Variants in IL19 observed in about 807,000 individuals in gnomAD.
IL19 encodes interleukin-19.
In IL19, 15 loss-of-function variants were observed where a neutral mutation model predicts 19.5. The ratio of observed to expected loss-of-function variants is 0.77; its 90% CI spans 0.52 to 1.19. IL19 has a LOEUF of 1.19. Ranked by LOEUF, IL19 falls within the 50% of genes most tolerant of loss-of-function variation. The pLI is 0.00. For synonymous variants in IL19, 78 were observed against 78.3 expected, an observed-to-expected ratio of 1.00 and a Z score of 0.02; for missense variants, 199 against 213.1, an observed-to-expected ratio of 0.93 and a Z score of 0.41.
intron 6 of IL19, among the ~76,000 whole-genome samples, chr1:206,842,223 C>T (rs987512521): frequency 1.3e-5 from 2 of 151,662 alleles, no homozygotes; most frequent in African/African-American, 4.9e-5. Flanking sequence ...GCGGAACTGG[C>T]CAGTAAGGCA....
At chr1:206,771,294 G>A in intron 1 of IL19, 1 of 1,447,734 alleles carries the variant, frequency 6.9e-7, no homozygotes, top group Non-Finnish European at 9.7e-7. Context: ...CAATCAGGAA[G>A]CAGAGTCTCC....
chr1:206,798,843 C>T lies in IL19; in HGVS notation c.-148-18C>T, dbSNP rs2102459347. ...TGTACCTTTTTGTAATGATGACTCT[C>T]TATGATTTTCTCCATAGAGCGGTGC... On this transcript the variant is annotated intron_variant, in intron 1 of 6. Coordinates refer to ENST00000659997, the MANE Select transcript of IL19 (RefSeq NM_153758.5). The T allele has an allele frequency of 7.4e-7, 1 of 1,353,898 alleles. No homozygotes were observed. The highest frequency in any genetic ancestry group is 1.4e-5 in the African/African-American group (1 of 69,254). 83.9% of individuals were successfully genotyped at this position (1,353,898 alleles called of 1,614,324 possible).
intron 2 of IL19, among the ~76,000 whole-genome samples, chr1:206,799,691 A>T (rs11119582): frequency 0.4 from 61,312 of 152,036 alleles, 12,848 homozygotes; most frequent in East Asian, 0.68. Context: ...GACTAACAGA[A>T]CAGCTTAGGT....
chr1:206,826,538 TGC>T (rs1359603149), intron 2 of IL19, among the ~76,000 whole-genome samples: 1 of 152,232 alleles, frequency 6.6e-6, no homozygotes, highest in African/African-American at 2.4e-5. Context: ...GCTCTCACTC[TGC>T]CACCTGCTTT....
chr1:206,835,760 C>T (rs2102486837), intron 2 of IL19, among the ~76,000 whole-genome samples: 1 of 152,348 alleles, frequency 6.6e-6, no homozygotes, highest in South Asian at 2.1e-4. Context: ...AGGCTAAGCT[C>T]TATTTATAAG....
intron 2 of IL19, among the ~76,000 whole-genome samples, chr1:206,810,470 C>T (rs984088575): frequency 2.0e-5 from 3 of 152,180 alleles, no homozygotes; most frequent in African/African-American, 7.2e-5. Context: ...CATCCATCCC[C>T]CAGAATGCCT....
rs749041176 is a variant in IL19, at chr1:206,771,350, T to C, written c.-149+272T>C. 26 of 1,612,914 alleles carry C rather than the reference T, an allele frequency of 1.6e-5. No homozygotes were observed. In the Admixed American group the frequency reaches 2.2e-4, roughly 13 times the overall value. On this transcript the variant is annotated intron_variant, in intron 1 of 6. Transcript: ENST00000659997. ...CACTCCCCCAGCACCCCGCCCCTGC[T>C]CTCACCTTAAAGTCCTCCAGCAAGG... is the stretch of plus-strand genomic sequence containing the variant.
At chr1:206,811,303 G>C (rs1279981657) in intron 2 of IL19, among the ~76,000 whole-genome samples, 1 of 152,030 alleles carries the variant, frequency 6.6e-6, no homozygotes, top group Non-Finnish European at 1.5e-5. Context: ...AATTAGCCAG[G>C]TGTGGTGGCA....
At chr1:206,792,487 T>A (rs1313959555) in intron 1 of IL19, among the ~76,000 whole-genome samples, 1 of 152,142 alleles carries the variant, frequency 6.6e-6, no homozygotes, top group East Asian at 1.9e-4. Context: ...GATGGAGTCT[T>A]GCTCTGTCGC....
chr1:206,840,152 C>T (rs146663503), intron 5 of IL19, 150 bp downstream of exon 5: 2 of 873,316 alleles, frequency 2.3e-6, no homozygotes, highest in Non-Finnish European at 3.8e-6. Flanking sequence ...TGGAGAACCT[C>T]TCCCAGTGGC....
chr1:206,785,605 G>A (rs936199588), intron 1 of IL19, among the ~76,000 whole-genome samples: 4 of 152,218 alleles, frequency 2.6e-5, no homozygotes, highest in Admixed American at 6.5e-5. Flanking sequence ...CCCCTCAGAG[G>A]GGAAAGTGCA....
At chr1:206,828,637 G>A (rs1165792182) in intron 2 of IL19, among the ~76,000 whole-genome samples, 1 of 152,134 alleles carries the variant, frequency 6.6e-6, no homozygotes, top group Non-Finnish European at 1.5e-5. Flanking sequence ...GGTTCTCCCA[G>A]AGGCACAGTA....
chr1:206,818,655 G>A (rs903558045), intron 2 of IL19, among the ~76,000 whole-genome samples: 16 of 152,058 alleles, frequency 1.1e-4, no homozygotes, highest in African/African-American at 3.6e-4. Flanking sequence ...TGGATGTCTG[G>A]ATATGCCAAA....
chr1:206,802,903 A>AGG (rs1161173726), intron 2 of IL19, among the ~76,000 whole-genome samples: 1 of 152,208 alleles, frequency 6.6e-6, no homozygotes, highest in Non-Finnish European at 1.5e-5. Context: ...CAGGAAAGCA[A>AGG]GGGGAATGTC....
At chr1:206,825,277 A>G (rs1432860536) in intron 2 of IL19, among the ~76,000 whole-genome samples, 5 of 152,236 alleles carry the variant, frequency 3.3e-5, no homozygotes, top group African/African-American at 1.2e-4. Context: ...CTACAAGAAA[A>G]GCTTTAGTGA....
rs1043567297 is a variant in IL19, at chr1:206,817,497, G to A, written c.-3+18491G>A. Among the ~76,000 whole-genome samples the A allele has an allele frequency of 3.3e-5, 5 of 152,158 alleles. No homozygotes were observed. The South Asian group carries it at 8.3e-4, about 25-fold the overall frequency. ...ACTTTTGTGCAGTAACACTAATAAT[G>A]GTCAAAAGAAAGCTGGCTATCTACA... is the stretch of plus-strand genomic sequence containing the variant. On this transcript the variant is annotated intron_variant, in intron 2 of 6. Transcript: ENST00000659997.
chr1:206,781,442 A>C (rs1040094668), intron 1 of IL19, among the ~76,000 whole-genome samples: 1 of 150,760 alleles, frequency 6.6e-6, no homozygotes, highest in African/African-American at 2.4e-5. Context: ...AAAAAAAGAA[A>C]AAAAAAGAAA....
intron 1 of IL19, chr1:206,772,162 G>A: frequency 5.3e-6 from 5 of 940,624 alleles, no homozygotes; most frequent in Admixed American, 1.9e-5. Flanking sequence ...GGGAATAGGT[G>A]TTGGGGATGG....
intron 2 of IL19, among the ~76,000 whole-genome samples, chr1:206,829,870 G>A (rs1000314735): frequency 6.6e-6 from 1 of 152,134 alleles, no homozygotes; most frequent in Non-Finnish European, 1.5e-5. Context: ...CAAGATCCCT[G>A]TGGGCAAAAA....
Sources: gnomAD v4.1 joint callset for allele counts (sites outside exome capture counted in the v4.1 genomes callset) on GRCh38, gnomAD v4.1.1 for gene constraint, MANE v1.5 for transcripts, NCBI Gene and HGNC (gene_info 2026-07-23, HGNC 2026-07-21) for gene names.